The following TNIK variants were observed in gnomAD, a reference collection of about 807,000 sequenced individuals.
The protein encoded by TNIK is TRAF2 and NCK-interacting protein kinase.
TNIK carries 49 observed loss-of-function variants against 191.3 expected under a neutral mutation model. The observed-to-expected ratio is 0.26, with a 90% CI of 0.20 to 0.32. TNIK has a LOEUF of 0.32. Among genes scored for constraint, TNIK ranks in the 10% least tolerant of loss-of-function variants. The pLI, the probability that TNIK is intolerant of heterozygous loss-of-function variation, is 1.00. For missense variants in TNIK, 1,155 were observed against 1,702.3 expected, an observed-to-expected ratio of 0.68 and a Z score of 5.66; for synonymous variants, 594 against 600.9, an observed-to-expected ratio of 0.99 and a Z score of 0.17.
intron 15 of TNIK, among the ~76,000 whole-genome samples, chr3:171,137,819 G>A (rs1730238576): frequency 6.6e-6 from 1 of 152,062 alleles, no homozygotes; most frequent in Non-Finnish European, 1.5e-5. Flanking sequence ...ATTCTTCCTA[G>A]AATTCTATAA....
At chr3:171,117,845 C>T (rs1469523103) in intron 18 of TNIK, among the ~76,000 whole-genome samples, 1 of 152,112 alleles carries the variant, frequency 6.6e-6, no homozygotes, top group Non-Finnish European at 1.5e-5. Context: ...TGGTGGGCCC[C>T]TGTAGTCCCA....
chr3:171,150,131 C>G (rs1732244305), intron 12 of TNIK, among the ~76,000 whole-genome samples: 1 of 152,208 alleles, frequency 6.6e-6, no homozygotes, highest in Non-Finnish European at 1.5e-5. Context: ...CTTCATTCAG[C>G]TTCAAGGCCT....
intron 2 of TNIK, among the ~76,000 whole-genome samples, chr3:171,345,018 T>C (rs1711937018): frequency 2.6e-5 from 4 of 152,164 alleles, no homozygotes; most frequent in Admixed American, 2.6e-4. Context: ...TTATAAGAGA[T>C]AATGAATTCG....
chr3:171,396,035 T>C (rs760202290), intron 1 of TNIK, among the ~76,000 whole-genome samples: 4 of 152,096 alleles, frequency 2.6e-5, no homozygotes, highest in Non-Finnish European at 5.9e-5. Flanking sequence ...ATCACCACCA[T>C]AAATTTTAGG....
chr3:171,212,522 C>A (rs1177023524), intron 3 of TNIK, among the ~76,000 whole-genome samples: 1 of 152,172 alleles, frequency 6.6e-6, no homozygotes, highest in African/African-American at 2.4e-5. Context: ...ACAGTTCCTT[C>A]CCCAGCAAAG....
At chr3:171,357,691 G>A (rs1013152569) in intron 2 of TNIK, among the ~76,000 whole-genome samples, 2 of 152,036 alleles carry the variant, frequency 1.3e-5, no homozygotes, top group Non-Finnish European at 2.9e-5. Flanking sequence ...AGAGTACGGA[G>A]AGAAGAGGCA....
intron 1 of TNIK, among the ~76,000 whole-genome samples, chr3:171,445,478 G>GTCTAAGGATCCCGAAGCTGCTA (rs1727386392): frequency 2.0e-5 from 3 of 151,436 alleles, no homozygotes; most frequent in African/African-American, 7.3e-5. Context: ...TGAAGCTGCT[G>GTCTAAGGATCCCGAAGCTGCTA]GTCCAAGGAT....
intron 2 of TNIK, among the ~76,000 whole-genome samples, chr3:171,253,703 G>A (rs1278491172): frequency 7.3e-6 from 1 of 137,174 alleles, no homozygotes; most frequent in Middle Eastern, 4.6e-3. Context: ...ACCTTCTCCC[G>A]AATCCTCTCT....
chr3:171,411,688 G>T lies in TNIK; in HGVS notation c.58-42003C>A, dbSNP rs74737932. Among the ~76,000 whole-genome samples, 1,116 of 152,202 alleles carry T rather than the reference G, an allele frequency of 7.3e-3. 13 individuals carry two copies. Among genetic ancestry groups the T allele is most frequent in the African/African-American group, 0.024 (1,006 of 41,494 alleles). ...CATTCAGATGAGCAGGAAAACTTCA[G>T]GTTATTTTAAATCAGGATGAGAAAT... On this transcript the variant is annotated intron_variant, in intron 1 of 32. Transcript: ENST00000436636.
At chr3:171,418,043 C>G (rs1253527510) in intron 1 of TNIK, among the ~76,000 whole-genome samples, 1 of 152,162 alleles carries the variant, frequency 6.6e-6, no homozygotes, top group Admixed American at 6.5e-5. Flanking sequence ...CCCAGCTGTA[C>G]AATCCTGGGA....
chr3:171,270,325 C>T (rs764405618), intron 2 of TNIK, among the ~76,000 whole-genome samples: 1 of 152,082 alleles, frequency 6.6e-6, no homozygotes, highest in Non-Finnish European at 1.5e-5. Flanking sequence ...AATTGGACCA[C>T]TTAGGAAAAG....
rs1037703719 is a variant in TNIK, at chr3:171,157,286, A to C, written c.1221+174T>G. ...AAATGACCACACCACCACAAAAAGC[A>C]AGGGAAGCCTTTTGTTTGTAAGAGC... On this transcript the variant is annotated intron_variant, in intron 12 of 32. Coordinates refer to ENST00000436636, the MANE Select transcript of TNIK (RefSeq NM_015028.4). Among the ~76,000 whole-genome samples the C allele has an allele frequency of 9.9e-5, 15 of 152,200 alleles. No individual in the cohort carries two copies. The East Asian group carries it at 2.9e-3, about 29-fold the overall frequency.
intron 2 of TNIK, among the ~76,000 whole-genome samples, chr3:171,235,486 C>T (rs1034664352): frequency 6.6e-6 from 1 of 152,172 alleles, no homozygotes; most frequent in African/African-American, 2.4e-5. Context: ...GCACAATAGC[C>T]TTCCCTATCC....
intron 1 of TNIK, among the ~76,000 whole-genome samples, chr3:171,457,552 C>T (rs1277451588): frequency 1.3e-5 from 2 of 152,208 alleles, no homozygotes; most frequent in Non-Finnish European, 2.9e-5. Flanking sequence ...AATGAGACAT[C>T]TCATCTAGAT....
chr3:171,342,774 GCTGTGTC>G (rs1216412541), intron 2 of TNIK, among the ~76,000 whole-genome samples: 1 of 152,162 alleles, frequency 6.6e-6, no homozygotes, highest in Non-Finnish European at 1.5e-5. Flanking sequence ...ATATGGTTTG[GCTGTGTC>G]CCCACCCAAA....
Position 171,136,116 on chromosome 3 carries a change from G to A in TNIK, c.1608+2075C>T, listed in dbSNP as rs571545374. The stretch of plus-strand genomic sequence containing the variant: ...TTTGTGCATGAGGGAGCTGTCTAGG[G>A]GAAAGAAGAAATTCTGGAATGGTTT... On this transcript the variant is annotated intron_variant, in intron 15 of 32. Coordinates refer to ENST00000436636, the MANE Select transcript of TNIK (RefSeq NM_015028.4). Among the ~76,000 whole-genome samples the A allele has an allele frequency of 3.9e-5, 6 of 152,266 alleles. No individual in the cohort carries two copies. In the South Asian group the frequency reaches 1.0e-3, roughly 26 times the overall value.
Position 171,091,923 on chromosome 3 carries a change from G to A in TNIK, c.2721+1916C>T, listed in dbSNP as rs540999356. ...ATAGATCAAATTCCTATAAGACACT[G>A]GCAAATGCTATTTTCTTTCTTTCTT... On this transcript the variant is annotated intron_variant, in intron 23 of 32. Coordinates refer to ENST00000436636, the MANE Select transcript of TNIK (RefSeq NM_015028.4). Among the ~76,000 whole-genome samples the A allele has an allele frequency of 2.0e-5, 3 of 150,750 alleles. No homozygotes were observed. In the South Asian group the frequency reaches 6.4e-4, roughly 32 times the overall value.
rs142061757 is a variant in TNIK, at chr3:171,117,044, A to G, written c.2121-6167T>C. On this transcript the variant is annotated intron_variant, in intron 18 of 32. Transcript: ENST00000436636. ...TAGCCATCTAGGAAGGGAACTATAA[A>G]AAGCATGTGATGACACTAGTTCTAG... is the stretch of plus-strand genomic sequence containing the variant. Among the ~76,000 whole-genome samples, 17 of 152,364 alleles carry G rather than the reference A, an allele frequency of 1.1e-4. No homozygotes were observed. In the East Asian group the frequency reaches 3.3e-3, roughly 29 times the overall value.
At chr3:171,314,832 G>C (rs1432278854) in intron 2 of TNIK, among the ~76,000 whole-genome samples, 5 of 152,120 alleles carry the variant, frequency 3.3e-5, no homozygotes, top group Admixed American at 1.3e-4. Flanking sequence ...GAGGCAGAAG[G>C]GAGGTCAGGC....
Sources: gnomAD v4.1 joint callset for allele counts (sites outside exome capture counted in the v4.1 genomes callset) on GRCh38, gnomAD v4.1.1 for gene constraint, MANE v1.5 for transcripts, NCBI Gene and HGNC (gene_info 2026-07-23, HGNC 2026-07-21) for gene names.